Variants in MEF2D observed in about 807,000 individuals in gnomAD.
The protein encoded by MEF2D is myocyte enhancer factor 2D.
Under a neutral mutation model 59.3 loss-of-function variants are expected in MEF2D, and 10 were observed. The ratio of observed to expected loss-of-function variants is 0.17; its 90% CI spans 0.10 to 0.29. The LOEUF is 0.29. Ranked by LOEUF, MEF2D falls within the 10% of genes least tolerant of loss-of-function variation. MEF2D has a pLI of 1.00. For missense variants in MEF2D, 508 were observed against 699.4 expected (o/e 0.73, Z 3.09); for synonymous variants, 305 against 295.0 (o/e 1.03, Z -0.35).
In MEF2D at chr1:156,480,894, C is replaced by A. The variant is rs764567022; in HGVS notation, c.336G>T (p.Leu112=). Residue 112 remains leucine (L), a synonymous_variant, in exon 4 of 12, where the codon CTG becomes CTT. Coordinates refer to ENST00000348159, the MANE Select transcript of MEF2D (RefSeq NM_005920.4). The part of the protein sequence containing the change: ...DGEDSLEQSP[L]LEDKYRRASE... The stretch of plus-strand genomic sequence containing the variant: ...TGGCGCGTCGGTACTTGTCCTCCAG[C>A]AGGGGGCTCTGTTCCAGCGAGTCCT... The A allele has an allele frequency of 2.5e-5, 41 of 1,610,150 alleles. No homozygotes were observed. Among genetic ancestry groups the A allele is most frequent in the Admixed American group, 3.4e-5 (2 of 59,586 alleles).
In MEF2D at chr1:156,471,668, G is replaced by A. The variant is rs1026787679; in HGVS notation, c.1007-2648C>T. Among the ~76,000 whole-genome samples, 16 of 152,346 alleles carry A rather than the reference G, an allele frequency of 1.1e-4. No homozygotes were observed. The East Asian group carries it at 1.7e-3, about 17-fold the overall frequency. On this transcript the variant is annotated intron_variant, in intron 9 of 11. Transcript: ENST00000348159. ...AGAGCCACCACAGCCAGGCCTCTGC[G>A]GCCAGTGTCAACAAGGGGCCAGGCC...
intron 1 of MEF2D, among the ~76,000 whole-genome samples, chr1:156,491,385 G>A (rs922130016): frequency 1.3e-4 from 20 of 152,204 alleles, no homozygotes; most frequent in African/African-American, 3.6e-4. Flanking sequence ...TGTAAGTCAC[G>A]GAGAGGAACT....
Position 156,488,227 on chromosome 1 carries a change from A to G in MEF2D, c.-138-4797T>C, listed in dbSNP as rs1484399865. Among the ~76,000 whole-genome samples, 4 of 152,362 alleles carry G rather than the reference A, an allele frequency of 2.6e-5. No individual in the cohort carries two copies. The South Asian group carries it at 8.3e-4, about 32-fold the overall frequency. On this transcript the variant is annotated intron_variant, in intron 1 of 11. Coordinates refer to ENST00000348159, the MANE Select transcript of MEF2D (RefSeq NM_005920.4). ...CCTTCCTGGTGGACATGGGAGAAGCAAAGATGGGCAGGACATTTGGCAATG... is the reference window on the plus strand; with the variant it reads ...CCTTCCTGGTGGACATGGGAGAAGCGAAGATGGGCAGGACATTTGGCAATG...
chr1:156,492,130 G>A (rs1045326916), intron 1 of MEF2D, among the ~76,000 whole-genome samples: 4 of 152,248 alleles, frequency 2.6e-5, no homozygotes, highest in Admixed American at 6.5e-5. Context: ...CACTGCCTTG[G>A]GGCGTCACAG....
At chr1:156,498,484 TA>T (rs1420128075) in intron 1 of MEF2D, among the ~76,000 whole-genome samples, 1 of 152,102 alleles carries the variant, frequency 6.6e-6, no homozygotes, top group Non-Finnish European at 1.5e-5. Context: ...AAGTTGTGCC[TA>T]AAAGAGTGGA....
At position 156,483,433 on chromosome 1, in the gene MEF2D, G is replaced by T; in HGVS notation, c.-138-3C>A. 2 of 795,962 alleles carry T rather than the reference G, an allele frequency of 2.5e-6. No individual in the cohort carries two copies. The highest frequency in any genetic ancestry group is 1.6e-5 in the South Asian group (1 of 63,564). The allele number at this position is 795,962 out of a possible 1,614,324, so 49.3% of individuals were successfully genotyped here. ...CAGGATACCTTCTGCACAGCCTCCT[G>T]GAAAGGGAGGGTCATGAGAGGTCTC... is the stretch of plus-strand genomic sequence containing the variant. On this transcript the variant is annotated splice_region_variant and splice_polypyrimidine_tract_variant and intron_variant, in intron 1 of 11. Coordinates refer to ENST00000348159, the MANE Select transcript of MEF2D (RefSeq NM_005920.4).
chr1:156,471,354 C>T (rs1671225019), intron 9 of MEF2D, among the ~76,000 whole-genome samples: 1 of 152,234 alleles, frequency 6.6e-6, no homozygotes, highest in African/African-American at 2.4e-5. Flanking sequence ...TGGTCTTGAA[C>T]TCCTGACCTC....
chr1:156,474,283 T>C (rs1478617766), intron 9 of MEF2D, among the ~76,000 whole-genome samples: 1 of 152,154 alleles, frequency 6.6e-6, no homozygotes, highest in African/African-American at 2.4e-5. Context: ...AACCTATCTC[T>C]ACTAAAGATA....
intron 1 of MEF2D, among the ~76,000 whole-genome samples, chr1:156,492,497 T>C (rs1672866312): frequency 6.6e-6 from 1 of 152,098 alleles, no homozygotes; most frequent in South Asian, 2.1e-4. Context: ...AAGTCTGACC[T>C]ACATTTGTCC....
At chr1:156,476,982 C>A (rs1347878238) in intron 7 of MEF2D, 30 bp downstream of exon 7, 2 of 1,612,146 alleles carry the variant, frequency 1.2e-6, no homozygotes, top group South Asian at 2.2e-5. Flanking sequence ...CATTCCCCAG[C>A]CCCCACCCTT....
At chr1:156,484,258 T>G (rs574258794) in intron 1 of MEF2D, 1 of 152,318 alleles carries the variant, frequency 6.6e-6, no homozygotes, top group East Asian at 1.9e-4. Context: ...CTTAAAACAA[T>G]GAAACCATTC....
intron 3 of MEF2D, among the ~76,000 whole-genome samples, chr1:156,481,701 C>A (rs910007889): frequency 1.2e-4 from 19 of 152,246 alleles, no homozygotes; most frequent in Non-Finnish European, 2.9e-5. Context: ...AAATAAGGGA[C>A]TTTCCTCCAA....
intron 9 of MEF2D, among the ~76,000 whole-genome samples, chr1:156,469,850 C>T (rs1671118210): frequency 6.6e-6 from 1 of 151,912 alleles, no homozygotes; most frequent in South Asian, 2.1e-4. Context: ...CATGCCACTG[C>T]ACTCCAGCCT....
intron 3 of MEF2D, among the ~76,000 whole-genome samples, chr1:156,481,306 A>G (rs1197310140): frequency 6.6e-6 from 1 of 152,094 alleles, no homozygotes; most frequent in Non-Finnish European, 1.5e-5. Context: ...TGGGCTAAGG[A>G]GCTGGTGCCA....
chr1:156,480,794 G>C, intron 4 of MEF2D, 40 bp downstream of exon 4: 3 of 1,596,632 alleles, frequency 1.9e-6, no homozygotes, highest in Non-Finnish European at 2.6e-6. Context: ...GGAAGGGGCC[G>C]GAAGGGGGGG....
intron 3 of MEF2D, among the ~76,000 whole-genome samples, chr1:156,481,913 G>T (rs1438843816): frequency 6.6e-6 from 1 of 152,258 alleles, no homozygotes; most frequent in Non-Finnish European, 1.5e-5. Context: ...CATGTGGCCG[G>T]TAAAGGTCAG....
chr1:156,480,632 C>A (rs1224733436), intron 4 of MEF2D: 3 of 1,543,404 alleles, frequency 1.9e-6, no homozygotes, highest in Non-Finnish European at 1.7e-6. Flanking sequence ...CTGCTCCATG[C>A]GACTACTCAC....
At chr1:156,485,701 CTTTTTT>C (rs534807814) in intron 1 of MEF2D, among the ~76,000 whole-genome samples, 1 of 134,700 alleles carries the variant, frequency 7.4e-6, no homozygotes, top group African/African-American at 2.7e-5. Flanking sequence ...TTAATAATTT[CTTTTTT>C]TTTTTTTTGG....
At chr1:156,496,455 G>A (rs999989788) in intron 1 of MEF2D, among the ~76,000 whole-genome samples, 1 of 152,112 alleles carries the variant, frequency 6.6e-6, no homozygotes, top group Non-Finnish European at 1.5e-5. Context: ...GTGGGGGAGG[G>A]GTAAGGGGCA....
Sources: gnomAD v4.1 joint callset for allele counts (sites outside exome capture counted in the v4.1 genomes callset) on GRCh38, gnomAD v4.1.1 for gene constraint, MANE v1.5 for transcripts, NCBI Gene and HGNC (gene_info 2026-07-23, HGNC 2026-07-21) for gene names.